Variants in LRBA observed in about 807,000 individuals in gnomAD.
The protein encoded by LRBA is lipopolysaccharide-responsive and beige-like anchor protein.
LRBA carries 176 observed loss-of-function variants against 330.0 expected under a neutral mutation model. The ratio of observed to expected loss-of-function variants is 0.53; its 90% CI spans 0.47 to 0.60. The LOEUF (loss-of-function observed/expected upper bound fraction) is 0.60, where lower values mean the gene tolerates loss of function less well. LRBA is among the 20% of genes least tolerant of loss of function. The pLI is 0.00. For missense variants in LRBA, 3,259 were observed against 3,444.8 expected, an observed-to-expected ratio of 0.95 and a Z score of 1.35; for synonymous variants, 1,230 against 1,193.0, an observed-to-expected ratio of 1.03 and a Z score of -0.64.
chr4:150,610,755 T>C (rs1359921274), intron 37 of LRBA, among the ~76,000 whole-genome samples: 3 of 152,138 alleles, frequency 2.0e-5, no homozygotes, highest in Non-Finnish European at 2.9e-5. Context: ...TCCATGATCT[T>C]TCTGGACTTT....
intron 53 of LRBA, among the ~76,000 whole-genome samples, chr4:150,292,985 C>T (rs1728515871): frequency 6.6e-6 from 1 of 151,636 alleles, no homozygotes; most frequent in Non-Finnish European, 1.5e-5. Flanking sequence ...AAATATAAAA[C>T]CTGGCTTTAT....
intron 48 of LRBA, among the ~76,000 whole-genome samples, chr4:150,343,444 C>T (rs967776535): frequency 1.3e-5 from 2 of 152,184 alleles, no homozygotes; most frequent in Non-Finnish European, 2.9e-5. Context: ...CTTTGCCTGT[C>T]TTGCTCATCT....
intron 37 of LRBA, among the ~76,000 whole-genome samples, chr4:150,660,467 C>T (rs1346607554): frequency 8.2e-4 from 124 of 151,246 alleles, no homozygotes; most frequent in African/African-American, 2.3e-3. Context: ...CCGCCCCGTC[C>T]GGGAGGGAGG....
chr4:150,324,302 T>A (rs10010954), intron 49 of LRBA, among the ~76,000 whole-genome samples: 5 of 152,070 alleles, frequency 3.3e-5, no homozygotes, highest in African/African-American at 1.2e-4. Context: ...TAATTCCAAA[T>A]GCAAACATAA....
intron 34 of LRBA, 27 bp from the exon 35 acceptor site, chr4:150,761,874 G>C: frequency 8.3e-7 from 1 of 1,210,844 alleles, no homozygotes; most frequent in Non-Finnish European, 1.2e-6. Context: ...AAAAATAGCT[G>C]AAGAAATGTC....
intron 38 of LRBA, among the ~76,000 whole-genome samples, 188 bp downstream of exon 38, chr4:150,598,819 A>C (rs575089820): frequency 1.3e-5 from 2 of 152,344 alleles, no homozygotes; most frequent in South Asian, 4.1e-4. Flanking sequence ...ATTAATAAAT[A>C]TACTTGACAC....
At chr4:150,632,485 A>G (rs1561447742) in intron 37 of LRBA, among the ~76,000 whole-genome samples, 3 of 152,272 alleles carry the variant, frequency 2.0e-5, no homozygotes, top group South Asian at 2.1e-4. Context: ...TTAATAATTA[A>G]TAAGAGACAG....
chr4:150,785,660 G>A (rs981009294), intron 34 of LRBA, among the ~76,000 whole-genome samples: 14 of 152,142 alleles, frequency 9.2e-5, no homozygotes, highest in African/African-American at 3.4e-4. Context: ...ATTCTACTAG[G>A]ACTCAGGAAT....
intron 47 of LRBA, among the ~76,000 whole-genome samples, chr4:150,414,045 A>C (rs1397626308): frequency 1.3e-5 from 2 of 152,206 alleles, no homozygotes; most frequent in Non-Finnish European, 2.9e-5. Flanking sequence ...ACTGTGATAG[A>C]ATAATATTAT....
At position 150,435,674 on chromosome 4, in the gene LRBA, C is replaced by T. The variant is rs1386646491; in HGVS notation, c.6956G>A (p.Gly2319Glu). The change falls in exon 46 of 57, where the codon GGA (glycine) becomes GAA (glutamate). Residue 2319 changes from glycine to glutamate, a missense_variant. Physicochemically the swap from Gly to Glu is moderately conservative, Grantham distance 98. Coordinates refer to ENST00000651943, the MANE Select transcript of LRBA (RefSeq NM_001364905.1). The stretch of plus-strand genomic sequence containing the variant: ...TCGATCTGCATGATCAAATTTGCCT[C>T]CTTGCAAATTTAGGAAATAAGTTGT... ...PFTTYFLNLQ[G>E]GKFDHADRTF... The T allele has an allele frequency of 6.2e-7, 1 of 1,610,916 alleles. No homozygotes were observed. Among genetic ancestry groups the T allele is most frequent in the Non-Finnish European group, 8.5e-7 (1 of 1,178,786 alleles).
intron 2 of LRBA, among the ~76,000 whole-genome samples, chr4:150,956,465 T>C (rs1004218930): frequency 6.7e-6 from 1 of 148,868 alleles, no homozygotes; most frequent in African/African-American, 2.6e-5. Flanking sequence ...GACAAATTAA[T>C]ACAATTCTTC....
chr4:150,352,196 T>C (rs1737271828), intron 47 of LRBA, among the ~76,000 whole-genome samples: 1 of 152,226 alleles, frequency 6.6e-6, no homozygotes, highest in Admixed American at 6.5e-5. Context: ...CTGTTGGTTT[T>C]AAAACAAAAC....
chr4:150,632,843 T>C (rs983908875), intron 37 of LRBA, among the ~76,000 whole-genome samples: 10 of 152,196 alleles, frequency 6.6e-5, no homozygotes, highest in Non-Finnish European at 1.5e-5. Flanking sequence ...TACTTTATCA[T>C]TGCCTGTTTA....
intron 17 of LRBA, among the ~76,000 whole-genome samples, chr4:150,881,080 T>TA (rs1331480513): frequency 6.6e-6 from 1 of 152,204 alleles, no homozygotes; most frequent in Admixed American, 6.5e-5. Flanking sequence ...GGTGGGAATG[T>TA]AAGTTAGTTC....
intron 24 of LRBA, 33 bp from the exon 25 acceptor site, chr4:150,849,608 G>C (rs763114358): frequency 1.3e-6 from 2 of 1,572,626 alleles, no homozygotes; most frequent in South Asian, 2.3e-5. Flanking sequence ...TACTGATAAA[G>C]CTAAAGAAAG....
intron 22 of LRBA, among the ~76,000 whole-genome samples, chr4:150,864,638 C>T (rs545460170): frequency 9.9e-4 from 130 of 130,732 alleles, no homozygotes; most frequent in Admixed American, 3.3e-3. Context: ...CTCATGGGCC[C>T]ACGTTCTTTT....
intron 48 of LRBA, among the ~76,000 whole-genome samples, chr4:150,342,631 C>T (rs534369330): frequency 6.6e-6 from 1 of 152,192 alleles, no homozygotes; most frequent in Admixed American, 6.5e-5. Context: ...TTATTTCTAT[C>T]GTTTAGTGCT....
At chr4:150,703,573 A>AC (rs1312979464) in intron 36 of LRBA, among the ~76,000 whole-genome samples, 2 of 152,192 alleles carry the variant, frequency 1.3e-5, no homozygotes, top group Admixed American at 1.3e-4. Context: ...TAATTTCAAA[A>AC]CATTTTTAAT....
intron 35 of LRBA, among the ~76,000 whole-genome samples, chr4:150,742,379 C>A (rs1239649419): frequency 6.6e-6 from 1 of 151,968 alleles, no homozygotes; most frequent in Non-Finnish European, 1.5e-5. Flanking sequence ...AACTCCTGAG[C>A]TCAAGTGATC....
Sources: allele counts gnomAD v4.1 joint callset (sites outside exome capture counted in the v4.1 genomes callset), GRCh38; gene constraint gnomAD v4.1.1; transcripts MANE v1.5; gene names NCBI Gene and HGNC (gene_info 2026-07-23, HGNC 2026-07-21).